Variants in GABRB1 observed in about 807,000 individuals in gnomAD.
The protein encoded by GABRB1 is gamma-aminobutyric acid type A receptor subunit beta1.
A neutral mutation model predicts 51.6 loss-of-function variants in GABRB1; 17 were observed. The observed-to-expected ratio is 0.33, with a 90% CI of 0.23 to 0.49. GABRB1 has a LOEUF of 0.49. Among genes scored for constraint, GABRB1 ranks in the 20% least tolerant of loss-of-function variants. The probability of loss-of-function intolerance (pLI) is 0.99; values close to 1 mark genes in which losing one functional copy is unlikely to be tolerated. For missense variants in GABRB1, 410 were observed against 600.6 expected, an observed-to-expected ratio of 0.68 and a Z score of 3.32; for synonymous variants, 247 against 218.9, an observed-to-expected ratio of 1.13 and a Z score of -1.14.
At chr4:47,358,409 A>C (rs1343301920) in intron 5 of GABRB1, among the ~76,000 whole-genome samples, 1 of 151,730 alleles carries the variant, frequency 6.6e-6, no homozygotes, top group Non-Finnish European at 1.5e-5. Context: ...ATATATAGAG[A>C]GAGAGAGAGT....
chr4:47,346,240 GAAGT>G (rs1433247722), intron 5 of GABRB1, among the ~76,000 whole-genome samples: 3 of 152,142 alleles, frequency 2.0e-5, no homozygotes, highest in Admixed American at 2.0e-4. Context: ...AGAAACTGTT[GAAGT>G]TCTATGATAA....
chr4:47,345,271 C>A (rs529932799), intron 5 of GABRB1, among the ~76,000 whole-genome samples: 14 of 152,192 alleles, frequency 9.2e-5, no homozygotes, highest in African/African-American at 2.9e-4. Context: ...AAGATGACAA[C>A]AGAGAGCAAA....
intron 3 of GABRB1, among the ~76,000 whole-genome samples, chr4:47,041,862 A>G (rs1284615410): frequency 6.6e-6 from 1 of 151,944 alleles, no homozygotes; most frequent in Non-Finnish European, 1.5e-5. Flanking sequence ...CCACCTGCAA[A>G]CCCTCTCCCA....
At chr4:47,396,253 TTA>T (rs1728177708) in intron 5 of GABRB1, among the ~76,000 whole-genome samples, 1 of 152,120 alleles carries the variant, frequency 6.6e-6, no homozygotes, top group Non-Finnish European at 1.5e-5. Flanking sequence ...GAGTTTCCCC[TTA>T]TCAAACCATC....
At chr4:47,238,424 G>A (rs1452567696) in intron 4 of GABRB1, among the ~76,000 whole-genome samples, 1 of 152,010 alleles carries the variant, frequency 6.6e-6, no homozygotes, top group Non-Finnish European at 1.5e-5. Context: ...AATCACTTCA[G>A]AGAATCATTA....
At chr4:47,303,720 A>G (rs1047062662) in intron 4 of GABRB1, among the ~76,000 whole-genome samples, 12 of 152,012 alleles carry the variant, frequency 7.9e-5, no homozygotes, top group African/African-American at 2.9e-4. Context: ...TAATTCACAT[A>G]TGCATTACCC....
At chr4:47,076,674 A>G (rs891709421) in intron 3 of GABRB1, among the ~76,000 whole-genome samples, 1 of 152,124 alleles carries the variant, frequency 6.6e-6, no homozygotes, top group African/African-American at 2.4e-5. Flanking sequence ...AAACAAAACA[A>G]AAAAACAGCA....
intron 3 of GABRB1, among the ~76,000 whole-genome samples, chr4:47,129,833 T>A (rs553510762): frequency 6.6e-6 from 1 of 151,676 alleles, no homozygotes; most frequent in East Asian, 1.9e-4. Flanking sequence ...AAAGAGAGAA[T>A]CACCCTTTCA....
At chr4:47,127,013 G>A (rs1194414920) in intron 3 of GABRB1, among the ~76,000 whole-genome samples, 1 of 151,760 alleles carries the variant, frequency 6.6e-6, no homozygotes, top group East Asian at 1.9e-4. Context: ...GTTAGCCTCT[G>A]CTTTCATGTT....
intron 3 of GABRB1, among the ~76,000 whole-genome samples, chr4:47,088,231 TG>T (rs1376693553): frequency 6.6e-6 from 1 of 152,214 alleles, no homozygotes; most frequent in African/African-American, 2.4e-5. Context: ...TTCACAGTGC[TG>T]GGTGCTGGGG....
At chr4:47,048,131 A>T (rs574896095) in intron 3 of GABRB1, among the ~76,000 whole-genome samples, 59 of 152,286 alleles carry the variant, frequency 3.9e-4, no homozygotes, top group Admixed American at 5.9e-4. Flanking sequence ...TAAATTACAA[A>T]TGATCCATCA....
chr4:47,264,291 C>T (rs1320532277), intron 4 of GABRB1, among the ~76,000 whole-genome samples: 2 of 152,170 alleles, frequency 1.3e-5, no homozygotes, highest in East Asian at 1.9e-4. Context: ...TCCCCCACCC[C>T]GCCAAGCATT....
intron 1 of GABRB1, among the ~76,000 whole-genome samples, chr4:47,007,414 GATGTTT>G (rs1289478249): frequency 5.3e-5 from 8 of 152,140 alleles, no homozygotes; most frequent in Admixed American, 5.2e-4. Flanking sequence ...ATTATAGTGG[GATGTTT>G]TAACATACGC....
intron 4 of GABRB1, among the ~76,000 whole-genome samples, chr4:47,193,991 T>C (rs1279427002): frequency 6.6e-6 from 1 of 152,186 alleles, no homozygotes; most frequent in Non-Finnish European, 1.5e-5. Context: ...AAAAATAAGA[T>C]ACAGTACATG....
chr4:47,306,851 A>G (rs1292744121), intron 4 of GABRB1, among the ~76,000 whole-genome samples: 1 of 152,142 alleles, frequency 6.6e-6, no homozygotes, highest in African/African-American at 2.4e-5. Context: ...GTGTATATGC[A>G]CTAGAGGTGT....
At chr4:47,245,827 C>CTTT (rs201059107) in intron 4 of GABRB1, among the ~76,000 whole-genome samples, 3 of 130,448 alleles carry the variant, frequency 2.3e-5, no homozygotes, top group Admixed American at 7.7e-5. Flanking sequence ...TTCTTTCTTT[C>CTTT]TTTTTTTTTT....
chr4:47,301,990 T>G (rs955657836), intron 4 of GABRB1, among the ~76,000 whole-genome samples: 1 of 152,180 alleles, frequency 6.6e-6, no homozygotes, highest in African/African-American at 2.4e-5. Flanking sequence ...TTCACAATTT[T>G]TTTTCCTACA....
chr4:47,184,039 T>C (rs1391414226), intron 4 of GABRB1, among the ~76,000 whole-genome samples: 1 of 151,956 alleles, frequency 6.6e-6, no homozygotes, highest in African/African-American at 2.4e-5. Context: ...TCACTCAGAA[T>C]GTCATGATTG....
intron 4 of GABRB1, among the ~76,000 whole-genome samples, chr4:47,162,412 G>C (rs1321274217): frequency 6.6e-6 from 1 of 151,786 alleles, no homozygotes; most frequent in Non-Finnish European, 1.5e-5. Context: ...ATATGGATTA[G>C]TCAAGAATAT....
Sources: allele counts gnomAD v4.1 joint callset (sites outside exome capture counted in the v4.1 genomes callset), GRCh38; gene constraint gnomAD v4.1.1; transcripts MANE v1.5; gene names NCBI Gene and HGNC (gene_info 2026-07-23, HGNC 2026-07-21).